The following MCC variants were observed in gnomAD, a reference collection of about 807,000 sequenced individuals.
The protein encoded by MCC is MCC regulator of Wnt signaling pathway.
Under a neutral mutation model 116.2 loss-of-function variants are expected in MCC, and 90 were observed. The ratio of observed to expected loss-of-function variants is 0.77; its 90% CI spans 0.65 to 0.92. MCC has a LOEUF of 0.92. MCC is among the 40% of genes least tolerant of loss of function. The pLI, the probability that MCC is intolerant of heterozygous loss-of-function variation, is 0.00. For synonymous variants in MCC, 578 were observed against 510.5 expected, an observed-to-expected ratio of 1.13 and a Z score of -1.78; for missense variants, 1,516 against 1,312.2, an observed-to-expected ratio of 1.16 and a Z score of -2.40.
chr5:113,235,548 G>T (rs1327749376), intron 3 of MCC, among the ~76,000 whole-genome samples: 1 of 152,188 alleles, frequency 6.6e-6, no homozygotes, highest in Non-Finnish European at 1.5e-5. Context: ...GGAACTGAGT[G>T]GGGAAACACA....
In MCC at chr5:113,229,587, T is replaced by TG. The variant is rs149391779; in HGVS notation, c.628-78166dup. ...TTTAGGATACAATCACTCCGGCAAG[T>TG]GTTTTTAGTGATCTAGAGAACTATT... On this transcript the variant is annotated intron_variant, in intron 3 of 18. Transcript: ENST00000408903. 5.9e-3 allele frequency among the ~76,000 whole-genome samples: 894 copies of TG among 152,344 alleles called. 11 individuals carry two copies. The highest frequency in any genetic ancestry group is 0.018 in the African/African-American group (729 of 41,576).
At chr5:113,479,686 G>T (rs537291534) in intron 1 of MCC, among the ~76,000 whole-genome samples, 1 of 152,144 alleles carries the variant, frequency 6.6e-6, no homozygotes, top group African/African-American at 2.4e-5. Context: ...TCATATTTTT[G>T]ACTTATCTTG....
intron 16 of MCC, 103 bp downstream of exon 16, chr5:113,048,990 C>T: frequency 9.1e-7 from 1 of 1,101,918 alleles, no homozygotes; most frequent in Non-Finnish European, 1.4e-6. Flanking sequence ...TATGCAAATA[C>T]AAGAACTGAG....
At chr5:113,402,775 CCTCAGGCAAGA>C (rs1769728981) in intron 1 of MCC, among the ~76,000 whole-genome samples, 1 of 152,062 alleles carries the variant, frequency 6.6e-6, no homozygotes, top group Non-Finnish European at 1.5e-5. Flanking sequence ...TAGGCAGCAG[CCTCAGGCAAGA>C]AATGTTGTCA....
chr5:113,099,992 G>T (rs1756295101), intron 8 of MCC, among the ~76,000 whole-genome samples: 1 of 152,160 alleles, frequency 6.6e-6, no homozygotes, highest in South Asian at 2.1e-4. Flanking sequence ...GGTGGCGTGG[G>T]CTTTAGTGCT....
intron 3 of MCC, among the ~76,000 whole-genome samples, chr5:113,158,965 T>C (rs374398308): frequency 6.6e-6 from 1 of 151,638 alleles, no homozygotes; most frequent in Non-Finnish European, 1.5e-5. Flanking sequence ...GGGGCGGGGG[T>C]GAGGTGTGTG....
At chr5:113,162,399 C>T (rs1274086993) in intron 3 of MCC, among the ~76,000 whole-genome samples, 1 of 152,172 alleles carries the variant, frequency 6.6e-6, no homozygotes, top group African/African-American at 2.4e-5. Context: ...GAACAACACC[C>T]ACTCATTCTA....
At chr5:113,394,226 A>G (rs1486615100) in intron 1 of MCC, among the ~76,000 whole-genome samples, 1 of 152,096 alleles carries the variant, frequency 6.6e-6, no homozygotes, top group African/African-American at 2.4e-5. Context: ...CCCATACTCA[A>G]TTACCAAGGA....
intron 17 of MCC, among the ~76,000 whole-genome samples, chr5:113,035,496 C>G (rs1309589248): frequency 6.6e-6 from 1 of 152,228 alleles, no homozygotes; most frequent in African/African-American, 2.4e-5. Flanking sequence ...TGCCTTTCAC[C>G]TACACGTGGA....
rs946471731 is a variant in MCC, at chr5:113,024,306, A to C, written c.*2996T>G. The C allele has an allele frequency of 1.3e-5, 2 of 152,264 alleles. No homozygotes were observed. Among genetic ancestry groups the C allele is most frequent in the African/African-American group, 4.8e-5 (2 of 41,470 alleles). The allele number at this position is 152,264 out of a possible 1,614,324, so 9.4% of individuals were successfully genotyped here. A position where few individuals can be genotyped will look rare whatever the true frequency, so the allele number is the denominator to read the frequency against. On this transcript the variant is annotated 3_prime_UTR_variant, in exon 19 of 19. Coordinates refer to ENST00000408903, the MANE Select transcript of MCC (RefSeq NM_001085377.2). Reference sequence around the variant, plus strand: ...TGACAAGCCAGCCGATGAGGATGAAAGTTTCAATAAGGAATCATACTGTTC... The same window carrying C: ...TGACAAGCCAGCCGATGAGGATGAACGTTTCAATAAGGAATCATACTGTTC...
chr5:113,449,300 T>C (rs912740993), intron 1 of MCC, among the ~76,000 whole-genome samples: 8 of 152,120 alleles, frequency 5.3e-5, no homozygotes, highest in African/African-American at 1.9e-4. Context: ...CTCGGAAAGA[T>C]AAGGTTGAAG....
At chr5:113,427,038 T>C (rs1770504157) in intron 1 of MCC, among the ~76,000 whole-genome samples, 1 of 152,180 alleles carries the variant, frequency 6.6e-6, no homozygotes, top group Admixed American at 6.5e-5. Context: ...TCCTAATTGA[T>C]ATATTTTTTC....
intron 17 of MCC, among the ~76,000 whole-genome samples, chr5:113,032,638 G>A (rs542798722): frequency 6.6e-6 from 1 of 152,190 alleles, no homozygotes; most frequent in Non-Finnish European, 1.5e-5. Context: ...ATGTGAACCA[G>A]AGCAACTCCA....
intron 3 of MCC, among the ~76,000 whole-genome samples, chr5:113,197,102 C>G (rs1409607428): frequency 6.6e-6 from 1 of 152,190 alleles, no homozygotes; most frequent in Non-Finnish European, 1.5e-5. Flanking sequence ...GGACTTCAGA[C>G]TTTTTGGAGC....
intron 1 of MCC, among the ~76,000 whole-genome samples, chr5:113,448,463 A>G (rs1388333055): frequency 6.6e-6 from 1 of 152,258 alleles, no homozygotes; most frequent in African/African-American, 2.4e-5. Context: ...CAGTCTAAAT[A>G]GCAAAGAAAG....
intron 5 of MCC, among the ~76,000 whole-genome samples, chr5:113,142,123 A>G (rs573053751): frequency 7.9e-5 from 12 of 152,130 alleles, no homozygotes; most frequent in African/African-American, 2.4e-4. Flanking sequence ...TGCCCAGAAA[A>G]CAGATGCCCA....
At chr5:113,075,200 C>G (rs1754344550) in intron 11 of MCC, among the ~76,000 whole-genome samples, 1 of 152,234 alleles carries the variant, frequency 6.6e-6, no homozygotes, top group African/African-American at 2.4e-5. Flanking sequence ...GTGGAGGGTG[C>G]ACCGGGTACC....
chr5:113,063,697 G>A (rs553995200), intron 14 of MCC, among the ~76,000 whole-genome samples: 1 of 152,314 alleles, frequency 6.6e-6, no homozygotes, highest in East Asian at 1.9e-4. Flanking sequence ...CAGAGAAAAT[G>A]GATCTGACAG....
At chr5:113,132,441 T>TAC (rs765791981) in intron 5 of MCC, among the ~76,000 whole-genome samples, 5 of 96,944 alleles carry the variant, frequency 5.2e-5, no homozygotes, top group African/African-American at 2.4e-4. Flanking sequence ...TATATATATA[T>TAC]ATACACACAC....
Sources: allele counts gnomAD v4.1 joint callset (sites outside exome capture counted in the v4.1 genomes callset), GRCh38; gene constraint gnomAD v4.1.1; transcripts MANE v1.5; gene names NCBI Gene and HGNC (gene_info 2026-07-23, HGNC 2026-07-21).